Variants in ERBIN observed in about 807,000 individuals in gnomAD.
ERBIN encodes erbb2 interacting protein.
A neutral mutation model predicts 158.4 loss-of-function variants in ERBIN; 60 were observed. The ratio of observed to expected loss-of-function variants is 0.38; its 90% confidence interval spans 0.31 to 0.47. The LOEUF is 0.47. ERBIN is among the 20% of genes least tolerant of loss of function. The pLI, the probability that ERBIN is intolerant of heterozygous loss-of-function variation, is 0.99. For synonymous variants in ERBIN, 594 were observed against 557.2 expected, an observed-to-expected ratio of 1.07 and a Z score of -0.93; for missense variants, 1,610 against 1,648.0, an observed-to-expected ratio of 0.98 and a Z score of 0.40.
chr5:66,033,678 C>G lies in ERBIN; in HGVS notation c.1207-4705C>G, dbSNP rs144392365. Among the ~76,000 whole-genome samples the G allele has an allele frequency of 4.6e-5, 7 of 152,132 alleles. No homozygotes were observed. In the East Asian group the frequency reaches 1.4e-3, roughly 29 times the overall value. ...ATGGAATCACATAATGTTGATTACT[C>G]TTTAAGAAGGTTGGATGAGAAGGAA... is the stretch of plus-strand genomic sequence containing the variant. On this transcript the variant is annotated intron_variant, in intron 14 of 25. Coordinates refer to ENST00000284037, the MANE Select transcript of ERBIN (RefSeq NM_001253697.2).
chr5:65,997,685 A>G (rs1321246086), intron 4 of ERBIN, among the ~76,000 whole-genome samples: 1 of 152,220 alleles, frequency 6.6e-6, no homozygotes, highest in Admixed American at 6.5e-5. Context: ...AAAAAACTTT[A>G]TAAACAAGTC....
chr5:66,073,297 T>C (rs544086755), intron 22 of ERBIN, among the ~76,000 whole-genome samples: 1 of 152,342 alleles, frequency 6.6e-6, no homozygotes, highest in African/African-American at 2.4e-5. Flanking sequence ...AATCATGGGC[T>C]ATCTGCAGAA....
intron 21 of ERBIN, among the ~76,000 whole-genome samples, chr5:66,063,497 C>G (rs1487194961): frequency 6.6e-6 from 1 of 152,110 alleles, no homozygotes; most frequent in Non-Finnish European, 1.5e-5. Flanking sequence ...CCAGGTGAGG[C>G]GATGCCTCAC....
intron 24 of ERBIN, 123 bp from the exon 25 acceptor site, chr5:66,076,752 A>C: frequency 1.4e-6 from 1 of 719,946 alleles, no homozygotes; most frequent in Non-Finnish European, 2.4e-6. Context: ...TACTCAGAGA[A>C]GTCAGGGAGA....
intron 4 of ERBIN, among the ~76,000 whole-genome samples, chr5:66,005,863 G>A (rs1374871011): frequency 6.6e-6 from 1 of 152,120 alleles, no homozygotes; most frequent in Non-Finnish European, 1.5e-5. Context: ...TCTTCAAGGA[G>A]AACTACAAAC....
rs768306705 is a variant in ERBIN, at chr5:66,025,932, A to G, written c.975A>G (p.Arg325=). 6.3e-7 allele frequency: 1 copy of G among 1,595,444 alleles called. No individual in the cohort carries two copies. Among genetic ancestry groups the G allele is most frequent in the East Asian group, 2.3e-5 (1 of 43,554 alleles). Residue 325 remains arginine, a synonymous_variant, in exon 12 of 26, where the codon AGA becomes AGG. Coordinates refer to ENST00000284037, the MANE Select transcript of ERBIN (RefSeq NM_001253697.2). ...CTATTGGGCAGCTTACTAACTTAAGAACTTTTGCTGCTGATCATAATTACT... is the reference window on the plus strand; with the variant it reads ...CTATTGGGCAGCTTACTAACTTAAGGACTTTTGCTGCTGATCATAATTACT... ...PSSIGQLTNL[R]TFAADHNYLQ...
chr5:65,998,357 AG>A (rs569782304), intron 4 of ERBIN, among the ~76,000 whole-genome samples: 177 of 151,506 alleles, frequency 1.2e-3, no homozygotes, highest in African/African-American at 4.0e-3. Context: ...TTCTGTTTTA[AG>A]GATTTATTAT....
Position 66,025,879 on chromosome 5 carries a change from T to G in ERBIN, c.922T>G (p.Phe308Val). The G allele has an allele frequency of 1.3e-6, 2 of 1,564,602 alleles. No individual in the cohort carries two copies. Among genetic ancestry groups the G allele is most frequent in the Non-Finnish European group, 1.7e-6 (2 of 1,151,102 alleles). The change falls in exon 12 of 26, where the codon TTC becomes GTC. Residue 308 changes from phenylalanine to valine, a missense_variant. Physicochemically the swap from Phe to Val is conservative, Grantham distance 50. Coordinates refer to ENST00000284037, the MANE Select transcript of ERBIN (RefSeq NM_001253697.2). ...LISVEELDCSFNEVEALPSSI... is the reference protein window; with the variant it reads ...LISVEELDCSVNEVEALPSSI... ...ATCAGTAGAAGAACTGGATTGTAGTTTCAATGAAGTTGAAGCTTTGCCTTC... is the reference window on the plus strand; with the variant it reads ...ATCAGTAGAAGAACTGGATTGTAGTGTCAATGAAGTTGAAGCTTTGCCTTC...
chr5:65,931,250 T>A (rs936147054), intron 1 of ERBIN, among the ~76,000 whole-genome samples: 10 of 152,226 alleles, frequency 6.6e-5, no homozygotes, highest in African/African-American at 2.4e-4. Flanking sequence ...ATGTACATAA[T>A]GAGCTGTTTT....
chr5:66,017,888 T>C (rs61076866), intron 7 of ERBIN, among the ~76,000 whole-genome samples: 8,769 of 152,226 alleles, frequency 0.058, 882 homozygotes, highest in African/African-American at 0.2. Context: ...GGTCTAGTTT[T>C]ATTTTTCTGC....
rs1011750610 is a variant in ERBIN at position 66,076,913 on chromosome 5, A to G, written c.4095A>G (p.Ala1365=). ...FVTRVQPEGP[A]SKLLQPGDKI... ...CAAGGGTACAACCTGAAGGACCAGC[A>G]TCAAAATTACTGCAGCCAGGTGATA... The change falls in exon 25 of 26, where the codon GCA becomes GCG. Residue 1365 remains alanine, a synonymous_variant. Coordinates refer to ENST00000284037, the MANE Select transcript of ERBIN (RefSeq NM_001253697.2). 1.2e-6 allele frequency: 2 copies of G among 1,610,386 alleles called. No individual in the cohort carries two copies. Among genetic ancestry groups the G allele is most frequent in the Non-Finnish European group, 1.7e-6 (2 of 1,177,918 alleles).
intron 21 of ERBIN, among the ~76,000 whole-genome samples, chr5:66,060,609 C>G (rs1443530380): frequency 2.6e-5 from 4 of 152,140 alleles, no homozygotes; most frequent in African/African-American, 7.2e-5. Context: ...TCTTGCTTCT[C>G]TAGTGCTTTT....
At chr5:65,991,997 T>C (rs574633594) in intron 2 of ERBIN, among the ~76,000 whole-genome samples, 2 of 152,196 alleles carry the variant, frequency 1.3e-5, no homozygotes, top group Non-Finnish European at 1.5e-5. Context: ...CCTGAAAATA[T>C]CTTCGCATTC....
chr5:66,030,129 C>T (rs1756701612), intron 14 of ERBIN, among the ~76,000 whole-genome samples: 1 of 152,036 alleles, frequency 6.6e-6, no homozygotes, highest in Non-Finnish European at 1.5e-5. Flanking sequence ...CCTCTGTGCC[C>T]CCGGGCTCAA....
intron 14 of ERBIN, among the ~76,000 whole-genome samples, chr5:66,036,092 T>C (rs1224530398): frequency 6.6e-6 from 1 of 152,164 alleles, no homozygotes; most frequent in Non-Finnish European, 1.5e-5. Flanking sequence ...CAAGATTCTC[T>C]TAAAAAGAAA....
chr5:66,045,406 A>G (rs78318777), intron 17 of ERBIN, among the ~76,000 whole-genome samples: 5,834 of 146,920 alleles, frequency 0.04, 376 homozygotes, highest in African/African-American at 0.15. Flanking sequence ...GCTATATTAC[A>G]TATAGCCTAT....
At chr5:66,066,516 CAAAAATAAA>C (rs1273837532) in intron 21 of ERBIN, among the ~76,000 whole-genome samples, 1 of 134,466 alleles carries the variant, frequency 7.4e-6, no homozygotes, top group African/African-American at 3.0e-5. Context: ...CTCCCACTGC[CAAAAATAAA>C]AAAAAAAAAA....
intron 1 of ERBIN, among the ~76,000 whole-genome samples, chr5:65,964,130 G>A (rs752863171): frequency 6.6e-6 from 1 of 152,110 alleles, no homozygotes; most frequent in African/African-American, 2.4e-5. Flanking sequence ...GTTGAAAGTC[G>A]GGTTCCATGA....
At position 65,964,894 on chromosome 5, in the gene ERBIN, C is replaced by A. The variant is rs192235797; in HGVS notation, c.-57-23741C>A. On this transcript the variant is annotated intron_variant, in intron 1 of 25. Coordinates refer to ENST00000284037, the MANE Select transcript of ERBIN (RefSeq NM_001253697.2). ...AGCTGGGACTACAGGCGTGGGCCAC[C>A]ACGCCTGGCTGATTTGTGTGTGTGT... Among the ~76,000 whole-genome samples the A allele has an allele frequency of 6.1e-3, 887 of 144,512 alleles. 14 individuals carry two copies. The highest frequency in any genetic ancestry group is 0.023 in the African/African-American group (849 of 37,462). The allele number at this position is 144,512 out of a possible 152,430, so 94.8% of individuals were successfully genotyped here.
Sources: allele counts gnomAD v4.1 joint callset (sites outside exome capture counted in the v4.1 genomes callset), GRCh38; gene constraint gnomAD v4.1.1; transcripts MANE v1.5; gene names NCBI Gene and HGNC (gene_info 2026-07-23, HGNC 2026-07-21).